The following PKNOX2 variants were observed in gnomAD, a reference collection of about 807,000 sequenced individuals.
PKNOX2 encodes the protein PBX/knotted 1 homeobox 2, also known as homeobox protein PKNOX2.
In PKNOX2, 14 loss-of-function variants were observed where a neutral mutation model predicts 53.1. That is an observed-to-expected ratio of 0.26 (90% CI 0.17 to 0.41). The LOEUF (loss-of-function observed/expected upper bound fraction) is 0.41, where lower values mean the gene tolerates loss of function less well. Ranked by LOEUF, PKNOX2 falls within the 10% of genes least tolerant of loss-of-function variation. PKNOX2 has a pLI of 1.00. For synonymous variants in PKNOX2, 257 were observed against 242.8 expected, an observed-to-expected ratio of 1.06 and a Z score of -0.54; for missense variants, 496 against 602.8, an observed-to-expected ratio of 0.82 and a Z score of 1.85.
At chr11:125,290,009 A>G (rs746729122) in intron 2 of PKNOX2, among the ~76,000 whole-genome samples, 4 of 151,852 alleles carry the variant, frequency 2.6e-5, no homozygotes, top group Non-Finnish European at 5.9e-5. Context: ...TGTTGTATTC[A>G]CTCCCACCCC....
At chr11:125,415,477 A>T (rs1217619651) in intron 10 of PKNOX2, among the ~76,000 whole-genome samples, 6 of 152,004 alleles carry the variant, frequency 3.9e-5, no homozygotes, top group Non-Finnish European at 8.8e-5. Flanking sequence ...TCTTGAACTC[A>T]ACCTCAAGTG....
chr11:125,293,932 T>C (rs530203785), intron 2 of PKNOX2, among the ~76,000 whole-genome samples: 1 of 152,270 alleles, frequency 6.6e-6, no homozygotes, highest in Admixed American at 6.5e-5. Context: ...TTACCTTTAA[T>C]CTTATTTCTC....
rs529171840 is a variant in PKNOX2 at position 125,352,516 on chromosome 11, AAGATGC to A, written c.87+1131_87+1136del. Reference sequence around the variant, plus strand: ...ATTTGTGCAGCATGAAAGGGGTCTTAAGATGCAGATGCCAGGCTTGTGCTCACTATG... The same window carrying A: ...ATTTGTGCAGCATGAAAGGGGTCTTAAGATGCCAGGCTTGTGCTCACTATG... On this transcript the variant is annotated intron_variant, in intron 4 of 12. Coordinates refer to ENST00000298282, the MANE Select transcript of PKNOX2 (RefSeq NM_001382323.2). The surrounding 1 kb of genome is among the most constrained non-coding windows in gnomAD (Gnocchi z 4.1). 3.3e-5 allele frequency among the ~76,000 whole-genome samples: 5 copies of A among 152,318 alleles called. No individual in the cohort carries two copies. The highest frequency in any genetic ancestry group is 2.6e-4 in the Admixed American group (4 of 15,296).
intron 2 of PKNOX2, among the ~76,000 whole-genome samples, chr11:125,235,626 T>C (rs1159772938): frequency 1.3e-5 from 2 of 152,270 alleles, no homozygotes; most frequent in Non-Finnish European, 1.5e-5. Context: ...TAGGCTTATT[T>C]GCTCATATTG....
At chr11:125,410,661 C>A in intron 8 of PKNOX2, 118 bp from the exon 9 acceptor site, 1 of 776,262 alleles carries the variant, frequency 1.3e-6, no homozygotes, top group South Asian at 1.7e-5. Flanking sequence ...AGCTCGCTAC[C>A]CAAGGGCTCC....
chr11:125,297,021 C>T (rs564322217), intron 2 of PKNOX2, among the ~76,000 whole-genome samples: 1 of 152,292 alleles, frequency 6.6e-6, no homozygotes, highest in South Asian at 2.1e-4. Context: ...GTACCTACAA[C>T]AATGCCTGGC....
intron 2 of PKNOX2, among the ~76,000 whole-genome samples, chr11:125,275,539 G>A (rs1324189565): frequency 1.3e-5 from 2 of 152,148 alleles, no homozygotes; most frequent in African/African-American, 2.4e-5. Context: ...GAGTAAAGGG[G>A]GCTGGTGGAG....
intron 6 of PKNOX2, among the ~76,000 whole-genome samples, chr11:125,388,369 A>G (rs1332229419): frequency 4.6e-5 from 7 of 152,124 alleles, no homozygotes; most frequent in Admixed American, 3.9e-4. Context: ...ACGTAGCCCA[A>G]CGGACTGTAA....
At chr11:125,296,284 T>G (rs1476639366) in intron 2 of PKNOX2, among the ~76,000 whole-genome samples, 1 of 152,148 alleles carries the variant, frequency 6.6e-6, no homozygotes, top group Non-Finnish European at 1.5e-5. Flanking sequence ...TCCCTGTCAT[T>G]GAGAATGAAC....
chr11:125,251,043 G>A (rs11219990), intron 2 of PKNOX2, among the ~76,000 whole-genome samples: 78,354 of 152,050 alleles, frequency 0.52, 20,877 homozygotes, highest in East Asian at 0.72. Context: ...TGGGCTGCGG[G>A]CGCCCCTCCA....
chr11:125,336,841 TTATA>T (rs892097746), intron 3 of PKNOX2, among the ~76,000 whole-genome samples: 1 of 147,556 alleles, frequency 6.8e-6, no homozygotes, highest in Non-Finnish European at 1.5e-5. Flanking sequence ...ATAATATACA[TTATA>T]TAATATGTAA....
chr11:125,178,522 A>G (rs1172439715), intron 1 of PKNOX2, among the ~76,000 whole-genome samples: 2 of 144,192 alleles, frequency 1.4e-5, no homozygotes, highest in Admixed American at 6.8e-5. Flanking sequence ...AAAAAAAAAA[A>G]GAAGAAAGAA....
intron 1 of PKNOX2, among the ~76,000 whole-genome samples, chr11:125,226,626 C>T (rs902067349): frequency 2.0e-5 from 3 of 152,062 alleles, no homozygotes; most frequent in Admixed American, 6.5e-5. Context: ...TCATCTCTTT[C>T]TCTTCCTCCT....
chr11:125,268,662 A>G (rs1945540726), intron 2 of PKNOX2, among the ~76,000 whole-genome samples: 1 of 152,252 alleles, frequency 6.6e-6, no homozygotes, highest in East Asian at 1.9e-4. Context: ...GCCTTAGAAT[A>G]AAAGCTTCTG....
At chr11:125,366,877 C>T (rs1013133203) in intron 4 of PKNOX2, among the ~76,000 whole-genome samples, 4 of 152,156 alleles carry the variant, frequency 2.6e-5, no homozygotes, top group Non-Finnish European at 1.5e-5. Context: ...AAGCATCAAA[C>T]CTTTTTACTA....
intron 2 of PKNOX2, among the ~76,000 whole-genome samples, chr11:125,271,719 G>GA (rs112128127): frequency 6.2e-4 from 89 of 144,232 alleles, no homozygotes; most frequent in African/African-American, 1.1e-3. Flanking sequence ...ACTTTGTCAA[G>GA]AAAAAAAAAA....
intron 2 of PKNOX2, among the ~76,000 whole-genome samples, chr11:125,268,255 C>A (rs1014356301): frequency 6.6e-6 from 1 of 152,234 alleles, no homozygotes. Flanking sequence ...ACCCAATGTT[C>A]CCTTCCCCTT....
chr11:125,320,420 G>T (rs1398639973), intron 2 of PKNOX2, among the ~76,000 whole-genome samples: 1 of 152,166 alleles, frequency 6.6e-6, no homozygotes, highest in Non-Finnish European at 1.5e-5. Context: ...TAGGAGCTGA[G>T]AGGATGAATG....
At chr11:125,242,036 C>T (rs1943189984) in intron 2 of PKNOX2, among the ~76,000 whole-genome samples, 1 of 150,066 alleles carries the variant, frequency 6.7e-6, no homozygotes. Context: ...AGACTGATTT[C>T]TGCTGACACC....
Sources: gnomAD v4.1 joint callset for allele counts (sites outside exome capture counted in the v4.1 genomes callset) on GRCh38, gnomAD v4.1.1 for gene constraint, Gnocchi (gnomAD v3.1) non-coding constraint, MANE v1.5 for transcripts, NCBI Gene and HGNC (gene_info 2026-07-23, HGNC 2026-07-21) for gene names.